The following MAN1A2 variants were observed in gnomAD, a reference collection of about 807,000 sequenced individuals.
The protein encoded by MAN1A2 is mannosidase alpha class 1A member 2.
A neutral mutation model predicts 75.7 loss-of-function variants in MAN1A2; 26 were observed. The ratio of observed to expected loss-of-function variants is 0.34; its 90% confidence interval spans 0.25 to 0.48. MAN1A2 has a LOEUF of 0.48. MAN1A2 is among the 20% of genes least tolerant of loss of function. The pLI is 0.99. For synonymous variants in MAN1A2, 247 were observed against 264.6 expected (o/e 0.93, Z 0.65); for missense variants, 562 against 775.5 (o/e 0.72, Z 3.27).
chr1:117,426,871 ATCT>A (rs1482675086), intron 5 of MAN1A2, among the ~76,000 whole-genome samples: 1 of 152,174 alleles, frequency 6.6e-6, no homozygotes, highest in African/African-American at 2.4e-5. Flanking sequence ...GTGATGAGAA[ATCT>A]TCTTTAATTC....
chr1:117,484,001 T>C (rs1002440561), intron 8 of MAN1A2, among the ~76,000 whole-genome samples: 2 of 151,928 alleles, frequency 1.3e-5, no homozygotes, highest in Admixed American at 1.3e-4. Context: ...AATCATTGTA[T>C]AACCACAGTT....
intron 5 of MAN1A2, among the ~76,000 whole-genome samples, chr1:117,421,533 C>A (rs1047664938): frequency 2.0e-5 from 3 of 150,976 alleles, no homozygotes; most frequent in African/African-American, 7.3e-5. Context: ...TTCCCATTTT[C>A]GTATGGATTT....
intron 6 of MAN1A2, among the ~76,000 whole-genome samples, chr1:117,458,772 C>T (rs1313639286): frequency 6.6e-6 from 1 of 151,832 alleles, no homozygotes; most frequent in East Asian, 1.9e-4. Context: ...AATCTGCCCA[C>T]CTCGGCCTCC....
chr1:117,377,260 TAATA>T (rs1346860909), intron 1 of MAN1A2, among the ~76,000 whole-genome samples: 1 of 152,208 alleles, frequency 6.6e-6, no homozygotes, highest in Non-Finnish European at 1.5e-5. Flanking sequence ...GTGTTGTCAT[TAATA>T]AATATGTTTT....
At chr1:117,472,015 A>G (rs1650176446) in intron 8 of MAN1A2, among the ~76,000 whole-genome samples, 1 of 151,976 alleles carries the variant, frequency 6.6e-6, no homozygotes, top group South Asian at 2.1e-4. Context: ...GAAAGCTAAT[A>G]TAATACGGAT....
At chr1:117,498,551 TA>T (rs1651104099) in intron 10 of MAN1A2, among the ~76,000 whole-genome samples, 1 of 151,920 alleles carries the variant, frequency 6.6e-6, no homozygotes, top group East Asian at 1.9e-4. Flanking sequence ...GATTTCCTTA[TA>T]TTTCTGATTT....
chr1:117,417,537 A>ATATATATATG (rs1320121310), intron 4 of MAN1A2, among the ~76,000 whole-genome samples: 16 of 135,832 alleles, frequency 1.2e-4, no homozygotes, highest in African/African-American at 4.0e-4. Context: ...GAGTTTAAAT[A>ATATATATATG]TATATATATA....
rs373861376 is a variant in MAN1A2 at position 117,458,181 on chromosome 1, A to G, written c.951-2308A>G. Among the ~76,000 whole-genome samples the G allele has an allele frequency of 1.6e-4, 24 of 152,236 alleles. 2 individuals carry two copies. Among genetic ancestry groups the G allele is most frequent in the Admixed American group, 1.2e-3 (19 of 15,288 alleles). On this transcript the variant is annotated intron_variant, in intron 6 of 12. Coordinates refer to ENST00000356554, the MANE Select transcript of MAN1A2 (RefSeq NM_006699.5). ...AAATGATCTTATTTATTGTAGGAGCAGGAATAGTATATGTCAGGTTCACCA... is the reference window on the plus strand; with the variant it reads ...AAATGATCTTATTTATTGTAGGAGCGGGAATAGTATATGTCAGGTTCACCA...
At chr1:117,427,641 A>T (rs1648419793) in intron 5 of MAN1A2, among the ~76,000 whole-genome samples, 1 of 152,196 alleles carries the variant, frequency 6.6e-6, no homozygotes, top group Non-Finnish European at 1.5e-5. Context: ...GTAGATCCTA[A>T]ACATGATAAA....
chr1:117,485,445 T>A (rs1011432977), intron 8 of MAN1A2, among the ~76,000 whole-genome samples: 1 of 151,806 alleles, frequency 6.6e-6, no homozygotes, highest in East Asian at 1.9e-4. Flanking sequence ...AATAAAAAGA[T>A]TTGAAGGCAA....
At chr1:117,473,447 T>C (rs183641485) in intron 8 of MAN1A2, among the ~76,000 whole-genome samples, 30 of 152,186 alleles carry the variant, frequency 2.0e-4, no homozygotes, top group Admixed American at 1.8e-3. Context: ...CAGGAGCCAG[T>C]AATTTTTTAC....
chr1:117,442,100 T>TA, intron 5 of MAN1A2, 131 bp from the exon 6 acceptor site: 2 of 532,548 alleles, frequency 3.8e-6, no homozygotes, highest in Non-Finnish European at 6.7e-6. Context: ...CTGGTACCAA[T>TA]GAGATGCTTT....
chr1:117,501,929 C>T (rs1201686254), intron 11 of MAN1A2, among the ~76,000 whole-genome samples: 1 of 151,740 alleles, frequency 6.6e-6, no homozygotes, highest in Non-Finnish European at 1.5e-5. Flanking sequence ...ATGTGCTTTC[C>T]ACTTTTCATG....
At chr1:117,400,927 T>C (rs1647404818) in intron 1 of MAN1A2, among the ~76,000 whole-genome samples, 1 of 152,170 alleles carries the variant, frequency 6.6e-6, no homozygotes, top group Admixed American at 6.5e-5. Flanking sequence ...TACATTCATA[T>C]TGTTGTACAA....
chr1:117,450,211 A>C (rs983068208), intron 6 of MAN1A2, among the ~76,000 whole-genome samples: 1 of 152,170 alleles, frequency 6.6e-6, no homozygotes, highest in Admixed American at 6.5e-5. Context: ...TTGGGAAATG[A>C]AGCAAAGGTG....
intron 6 of MAN1A2, among the ~76,000 whole-genome samples, chr1:117,449,764 A>G (rs1649347060): frequency 6.6e-6 from 1 of 152,174 alleles, no homozygotes; most frequent in Admixed American, 6.5e-5. Flanking sequence ...GCCAACATGG[A>G]GAAAGTTTGA....
intron 5 of MAN1A2, among the ~76,000 whole-genome samples, chr1:117,430,157 C>T (rs375864627): frequency 0.1 from 7,996 of 79,104 alleles, 491 homozygotes; most frequent in African/African-American, 0.15. Flanking sequence ...TAGGGGTGGC[C>T]GGGCAGAGGC....
At chr1:117,425,017 T>C (rs1206992765) in intron 5 of MAN1A2, among the ~76,000 whole-genome samples, 2 of 151,670 alleles carry the variant, frequency 1.3e-5, no homozygotes, top group Non-Finnish European at 2.9e-5. Flanking sequence ...CTTCATATAT[T>C]GCTCTGTGCC....
At chr1:117,373,639 G>A (rs531214778) in intron 1 of MAN1A2, among the ~76,000 whole-genome samples, 2 of 152,178 alleles carry the variant, frequency 1.3e-5, no homozygotes, top group African/African-American at 4.8e-5. Context: ...TGGGACTACA[G>A]GTGTGAACAA....
Sources: gnomAD v4.1 joint callset for allele counts (sites outside exome capture counted in the v4.1 genomes callset) on GRCh38, gnomAD v4.1.1 for gene constraint, MANE v1.5 for transcripts, NCBI Gene and HGNC (gene_info 2026-07-23, HGNC 2026-07-21) for gene names.